Variants in SOX6 observed in about 807,000 individuals in gnomAD.
SOX6 encodes the protein transcription factor SOX-6.
Under a neutral mutation model 97.8 loss-of-function variants are expected in SOX6, and 11 were observed. That is an observed-to-expected ratio of 0.11 (90% CI 0.07 to 0.19). The LOEUF is 0.19. Ranked by LOEUF, SOX6 falls within the 10% of genes least tolerant of loss-of-function variation. The pLI is 1.00. For missense variants in SOX6, 810 were observed against 1,039.5 expected (o/e 0.78, Z 3.04); for synonymous variants, 360 against 371.4 (o/e 0.97, Z 0.35).
At chr11:16,226,249 A>G (rs1852683718) in intron 4 of SOX6, among the ~76,000 whole-genome samples, 2 of 151,858 alleles carry the variant, frequency 1.3e-5, no homozygotes, top group African/African-American at 4.8e-5. Flanking sequence ...ATATTGAAAT[A>G]ATTAATCGTA....
At chr11:16,485,037 T>G (rs1860405433) in intron 4 of SOX6, among the ~76,000 whole-genome samples, 1 of 152,138 alleles carries the variant, frequency 6.6e-6, no homozygotes, top group South Asian at 2.1e-4. Flanking sequence ...TAAGCCTACT[T>G]TAATAAATTA....
At chr11:16,453,395 C>T (rs1255863843) in intron 1 of SOX6, among the ~76,000 whole-genome samples, 2 of 151,990 alleles carry the variant, frequency 1.3e-5, no homozygotes, top group Non-Finnish European at 2.9e-5. Flanking sequence ...TACCCATATC[C>T]TCAAATCTAT....
At position 16,594,684 on chromosome 11, in the gene SOX6, C is replaced by CTTTTTTTTTTTTTTTTTTTTTTTTTTT. The variant is rs10653599; in HGVS notation, n.609+17396_609+17397insAAAAAAAAAAAAAAAAAAAAAAAAAAA. Among the ~76,000 whole-genome samples, 3 of 68,266 alleles carry CTTTTTTTTTTTTTTTTTTTTTTTTTTT rather than the reference C, an allele frequency of 4.4e-5. 1 individual carries two copies. Among genetic ancestry groups the CTTTTTTTTTTTTTTTTTTTTTTTTTTT allele is most frequent in the Non-Finnish European group, 4.8e-5 (2 of 41,256 alleles). 44.8% of individuals were successfully genotyped at this position (68,266 alleles called of 152,430 possible). ...ATTTTTATTTTCTTTTCGGTTTTTG[C>CTTTTTTTTTTTTTTTTTTTTTTTTTTT]TTTTTTTTTTTTTTTTTTTTTTTTT... On this transcript the variant is annotated intron_variant and non_coding_transcript_variant, in intron 4 of 5. Transcript: ENST00000524520.
At chr11:16,314,152 A>G (rs568169551) in intron 3 of SOX6, 1 of 152,276 alleles carries the variant, frequency 6.6e-6, no homozygotes, top group African/African-American at 2.4e-5. Flanking sequence ...CTCCTTAGGC[A>G]AGAGTCAAAG....
At chr11:16,546,044 C>A (rs1482213557) in intron 4 of SOX6, among the ~76,000 whole-genome samples, 1 of 151,956 alleles carries the variant, frequency 6.6e-6, no homozygotes, top group Non-Finnish European at 1.5e-5. Flanking sequence ...AGTAGCAATT[C>A]TATGCACCAA....
intron 4 of SOX6, among the ~76,000 whole-genome samples, chr11:16,527,638 A>T (rs1861186138): frequency 6.6e-6 from 1 of 152,152 alleles, no homozygotes; most frequent in African/African-American, 2.4e-5. Context: ...ATATGAGAAG[A>T]TGTAACAAAT....
chr11:16,299,095 T>C (rs1175572550), intron 3 of SOX6, among the ~76,000 whole-genome samples: 1 of 152,186 alleles, frequency 6.6e-6, no homozygotes, highest in African/African-American at 2.4e-5. Context: ...TATATATTGG[T>C]TAAAGAATGT....
At chr11:16,322,120 A>AAC (rs540843840) in intron 2 of SOX6, among the ~76,000 whole-genome samples, 22 of 152,154 alleles carry the variant, frequency 1.4e-4, no homozygotes, top group Non-Finnish European at 2.9e-4. Flanking sequence ...ATTTCTTAAG[A>AAC]ACAGAACAGG....
At position 15,971,303 on chromosome 11, in the gene SOX6, T is replaced by C. The variant is rs1853301834; in HGVS notation, c.*1506A>G. ...GTGGCTTTTTGCATCCTGGGGATTT[T>C]GCAATGAACTCCCTAGATGTGCCAG... is the stretch of plus-strand genomic sequence containing the variant. On this transcript the variant is annotated 3_prime_UTR_variant, in exon 16 of 16. Coordinates refer to ENST00000683767, the MANE Select transcript of SOX6 (RefSeq NM_001367873.1). The C allele has an allele frequency of 6.5e-6, 1 of 152,712 alleles. No homozygotes were observed. Among genetic ancestry groups the C allele is most frequent in the African/African-American group, 2.4e-5 (1 of 41,472 alleles). 9.5% of individuals were successfully genotyped at this position (152,712 alleles called of 1,614,324 possible).
intron 4 of SOX6, among the ~76,000 whole-genome samples, chr11:16,536,066 G>C (rs904438549): frequency 3.9e-5 from 6 of 152,164 alleles, no homozygotes; most frequent in Non-Finnish European, 8.8e-5. Context: ...CACATGAGGG[G>C]ACTATTATCA....
chr11:16,403,864 A>G (rs907629262), intron 1 of SOX6, among the ~76,000 whole-genome samples: 1 of 151,742 alleles, frequency 6.6e-6, no homozygotes, highest in African/African-American at 2.4e-5. Flanking sequence ...GAATTAAAAT[A>G]AAATTATTAT....
At chr11:16,021,461 T>C (rs533871627) in intron 12 of SOX6, among the ~76,000 whole-genome samples, 1 of 152,280 alleles carries the variant, frequency 6.6e-6, no homozygotes, top group Admixed American at 6.5e-5. Flanking sequence ...CATTTAGTAA[T>C]TTAATGAATG....
chr11:16,227,864 C>T (rs957433495), intron 4 of SOX6, among the ~76,000 whole-genome samples: 22 of 152,110 alleles, frequency 1.4e-4, no homozygotes, highest in African/African-American at 5.1e-4. Flanking sequence ...CTATTCTAGT[C>T]ATTCTGATAA....
chr11:16,283,378 T>C (rs1435308573), intron 3 of SOX6, among the ~76,000 whole-genome samples: 3 of 151,360 alleles, frequency 2.0e-5, no homozygotes, highest in Non-Finnish European at 4.4e-5. Flanking sequence ...AATTCTTGAA[T>C]GCTTTCATAA....
intron 5 of SOX6, among the ~76,000 whole-genome samples, chr11:16,186,383 G>A (rs1374688906): frequency 6.6e-6 from 1 of 152,174 alleles, no homozygotes; most frequent in Non-Finnish European, 1.5e-5. Flanking sequence ...GCACCAATGA[G>A]CTAAAAGATT....
At chr11:16,119,856 G>T (rs981617487) in intron 6 of SOX6, among the ~76,000 whole-genome samples, 7 of 152,122 alleles carry the variant, frequency 4.6e-5, no homozygotes, top group African/African-American at 2.4e-5. Flanking sequence ...TACAGCTAAT[G>T]TAATATATCA....
At chr11:16,294,607 G>GA (rs1415506400) in intron 3 of SOX6, among the ~76,000 whole-genome samples, 1 of 152,004 alleles carries the variant, frequency 6.6e-6, no homozygotes, top group Non-Finnish European at 1.5e-5. Context: ...ATATTTAAAT[G>GA]AAGTTGCCAG....
At chr11:16,458,509 A>G (rs1465856542) in intron 1 of SOX6, among the ~76,000 whole-genome samples, 2 of 152,118 alleles carry the variant, frequency 1.3e-5, no homozygotes, top group East Asian at 1.9e-4. Flanking sequence ...AAGGCTTCAT[A>G]TAAGAGGCTT....
chr11:16,081,408 A>C (rs1848470639), intron 9 of SOX6, among the ~76,000 whole-genome samples: 1 of 152,092 alleles, frequency 6.6e-6, no homozygotes. Context: ...AGATGACACA[A>C]AAAAAATGAA....
Sources: gnomAD v4.1 joint callset for allele counts (sites outside exome capture counted in the v4.1 genomes callset) on GRCh38, gnomAD v4.1.1 for gene constraint, MANE v1.5 for transcripts, NCBI Gene and HGNC (gene_info 2026-07-23, HGNC 2026-07-21) for gene names.